Variants in RARB observed in about 807,000 individuals in gnomAD.
RARB encodes HBV-activated protein.
RARB carries 17 observed loss-of-function variants against 51.9 expected under a neutral mutation model. That is an observed-to-expected ratio of 0.33 (90% CI 0.22 to 0.49). RARB has a LOEUF of 0.49. Among genes scored for constraint, RARB ranks in the 20% least tolerant of loss-of-function variants. RARB has a pLI of 0.99. For missense variants in RARB, 369 were observed against 550.8 expected (o/e 0.67, Z 3.30); for synonymous variants, 215 against 195.4 (o/e 1.10, Z -0.84).
chr3:25,096,370 TA>T (rs1699292487), intron 3 of RARB, among the ~76,000 whole-genome samples: 1 of 152,166 alleles, frequency 6.6e-6, no homozygotes, highest in Admixed American at 6.6e-5. Flanking sequence ...TAAGACCAGA[TA>T]CCATTGGAGA....
At chr3:24,911,517 C>T (rs1694988404) in intron 2 of RARB, among the ~76,000 whole-genome samples, 1 of 152,136 alleles carries the variant, frequency 6.6e-6, no homozygotes, top group Non-Finnish European at 1.5e-5. Context: ...TAAATGTTAC[C>T]TAATGTCAAA....
chr3:24,915,481 T>C (rs9810222), intron 2 of RARB, among the ~76,000 whole-genome samples: 1 of 151,986 alleles, frequency 6.6e-6, no homozygotes, highest in Non-Finnish European at 1.5e-5. Flanking sequence ...ATGTGGCTAA[T>C]GGCTATCATA....
At chr3:24,836,108 A>T (rs527618358) in intron 1 of RARB, among the ~76,000 whole-genome samples, 1 of 152,316 alleles carries the variant, frequency 6.6e-6, no homozygotes, top group Non-Finnish European at 1.5e-5. Context: ...GTCTTTTGAG[A>T]GAGTGAATGT....
At position 24,874,189 on chromosome 3, in the gene RARB, C is replaced by A. The variant is rs751883525; in HGVS notation, c.-380+15437C>A. 3.3e-5 allele frequency among the ~76,000 whole-genome samples: 5 copies of A among 152,036 alleles called. No homozygotes were observed. The East Asian group carries it at 7.7e-4, about 23-fold the overall frequency. On this transcript the variant is annotated intron_variant, in intron 2 of 11. Transcript: ENST00000383772. The stretch of plus-strand genomic sequence containing the variant: ...TTGGATATAAAGGGATGACTACTTT[C>A]ATCAGAGAATAGAACAATATGGTAC...
At chr3:25,127,576 T>C (rs1023868494) in intron 3 of RARB, among the ~76,000 whole-genome samples, 4 of 152,058 alleles carry the variant, frequency 2.6e-5, no homozygotes, top group Non-Finnish European at 5.9e-5. Context: ...GGCTTCCCAC[T>C]ACCACACTAG....
At chr3:25,329,382 A>G (rs1039718287) in intron 5 of RARB, among the ~76,000 whole-genome samples, 4 of 152,144 alleles carry the variant, frequency 2.6e-5, no homozygotes, top group African/African-American at 9.7e-5. Flanking sequence ...TGCTGGTGAT[A>G]CCCAGGCAAA....
At chr3:25,391,394 C>T (rs13073246) in intron 5 of RARB, among the ~76,000 whole-genome samples, 22,294 of 152,000 alleles carry the variant, frequency 0.15, 2,126 homozygotes, top group Admixed American at 0.29. Flanking sequence ...GACTTCTTTT[C>T]CTCTAGGTAA....
chr3:24,924,474 G>C (rs1466072658), intron 2 of RARB, among the ~76,000 whole-genome samples: 2 of 152,132 alleles, frequency 1.3e-5, no homozygotes, highest in Non-Finnish European at 2.9e-5. Context: ...TGGCTGCTGA[G>C]TACTGGAAAT....
intron 3 of RARB, among the ~76,000 whole-genome samples, chr3:25,130,926 TATC>T (rs1559477515): frequency 3.8e-5 from 1 of 26,588 alleles, no homozygotes; most frequent in African/African-American, 2.0e-4. Context: ...TATCAATATT[TATC>T]ATTGATAATA....
chr3:25,515,336 A>G (rs532456722), intron 3 of RARB, among the ~76,000 whole-genome samples: 55 of 152,346 alleles, frequency 3.6e-4, no homozygotes, highest in African/African-American at 1.3e-3. Context: ...GGAAGTATAA[A>G]TCAAGCCAAA....
intron 5 of RARB, among the ~76,000 whole-genome samples, chr3:25,233,062 G>A (rs1702219417): frequency 7.2e-6 from 1 of 138,116 alleles, no homozygotes; most frequent in Non-Finnish European, 1.5e-5. Flanking sequence ...TGCAACCTCT[G>A]TCTTCTGGGT....
At chr3:25,167,520 C>T (rs1486638884) in intron 4 of RARB, among the ~76,000 whole-genome samples, 1 of 152,018 alleles carries the variant, frequency 6.6e-6, no homozygotes, top group Non-Finnish European at 1.5e-5. Flanking sequence ...GGAATCTTGG[C>T]CAGTCCCAGA....
intron 2 of RARB, among the ~76,000 whole-genome samples, chr3:24,873,855 G>T (rs901165613): frequency 7.9e-5 from 12 of 151,898 alleles, no homozygotes; most frequent in African/African-American, 2.7e-4. Flanking sequence ...GTAGTTTAAA[G>T]AATTTTATTG....
intron 5 of RARB, among the ~76,000 whole-genome samples, chr3:25,235,258 A>G (rs1232248770): frequency 6.6e-6 from 1 of 152,132 alleles, no homozygotes; most frequent in Non-Finnish European, 1.5e-5. Flanking sequence ...CTTCGGCTGT[A>G]GTAAGTAGAG....
intron 5 of RARB, among the ~76,000 whole-genome samples, chr3:25,321,281 T>C (rs1468298869): frequency 1.3e-5 from 2 of 152,214 alleles, no homozygotes; most frequent in African/African-American, 2.4e-5. Flanking sequence ...ACCATGATCA[T>C]TTACCTGGAT....
At chr3:25,192,677 A>T (rs1425867008) in intron 5 of RARB, among the ~76,000 whole-genome samples, 2 of 152,078 alleles carry the variant, frequency 1.3e-5, no homozygotes, top group Non-Finnish European at 2.9e-5. Flanking sequence ...GAGTGGCACA[A>T]GGATGTTTTG....
At chr3:25,043,394 A>T (rs1698151595) in intron 2 of RARB, among the ~76,000 whole-genome samples, 1 of 152,252 alleles carries the variant, frequency 6.6e-6, no homozygotes, top group African/African-American at 2.4e-5. Context: ...TACACCGGCA[A>T]CAGGCCAAGC....
chr3:25,302,153 T>C (rs993601298), intron 5 of RARB, among the ~76,000 whole-genome samples: 1 of 152,208 alleles, frequency 6.6e-6, no homozygotes, highest in Non-Finnish European at 1.5e-5. Context: ...ATGAGGAGAA[T>C]TTGGAAGCCT....
At chr3:25,076,819 C>T (rs1001116408) in intron 3 of RARB, among the ~76,000 whole-genome samples, 1 of 152,112 alleles carries the variant, frequency 6.6e-6, no homozygotes, top group African/African-American at 2.4e-5. Flanking sequence ...CATGGAAGAA[C>T]AAGAGATCCT....
Sources: allele counts gnomAD v4.1 joint callset (sites outside exome capture counted in the v4.1 genomes callset), GRCh38; gene constraint gnomAD v4.1.1; transcripts MANE v1.5; gene names NCBI Gene and HGNC (gene_info 2026-07-23, HGNC 2026-07-21).